The following DEPTOR variants were observed in gnomAD, a reference collection of about 807,000 sequenced individuals.
DEPTOR encodes DEP domain containing MTOR interacting protein.
In DEPTOR, 41 loss-of-function variants were observed where a neutral mutation model predicts 41.6. The observed-to-expected ratio is 0.98, with a 90% CI of 0.77 to 1.28. The LOEUF is 1.28. Ranked by LOEUF, DEPTOR falls within the 50% of genes most tolerant of loss-of-function variation. The pLI is 0.00. For synonymous variants in DEPTOR, 195 were observed against 192.3 expected (o/e 1.01, Z -0.12); for missense variants, 514 against 527.9 (o/e 0.97, Z 0.26).
At chr8:119,971,844 C>T (rs994396704) in intron 4 of DEPTOR, among the ~76,000 whole-genome samples, 4 of 152,180 alleles carry the variant, frequency 2.6e-5, no homozygotes, top group Admixed American at 2.6e-4. Flanking sequence ...GTATACTCTG[C>T]TTGCTCAGCC....
At chr8:120,049,537 C>T (rs200220093) in intron 8 of DEPTOR, 39 bp from the exon 9 acceptor site, 34 of 1,603,140 alleles carry the variant, frequency 2.1e-5, no homozygotes, top group East Asian at 9.0e-5. Flanking sequence ...CAAAACCAGG[C>T]GCTATAATAG....
chr8:119,920,937 C>G (rs1260078294), intron 1 of DEPTOR, among the ~76,000 whole-genome samples: 2 of 152,026 alleles, frequency 1.3e-5, no homozygotes, highest in Non-Finnish European at 2.9e-5. Flanking sequence ...ACTCCCCTCT[C>G]CTTCCTAATG....
intron 1 of DEPTOR, among the ~76,000 whole-genome samples, chr8:119,925,678 G>A (rs1179959185): frequency 6.6e-6 from 1 of 152,114 alleles, no homozygotes; most frequent in Non-Finnish European, 1.5e-5. Context: ...AGGCTGGAGT[G>A]CAGTTGTGCA....
At chr8:120,003,713 G>A (rs1371558727) in intron 6 of DEPTOR, among the ~76,000 whole-genome samples, 1 of 152,128 alleles carries the variant, frequency 6.6e-6, no homozygotes, top group African/African-American at 2.4e-5. Flanking sequence ...TGGGTGTCTT[G>A]TGGTTTCAAA....
At chr8:119,971,046 C>T (rs1047107040) in intron 4 of DEPTOR, among the ~76,000 whole-genome samples, 27 of 152,074 alleles carry the variant, frequency 1.8e-4, no homozygotes, top group African/African-American at 2.7e-4. Flanking sequence ...CTGGCTAACA[C>T]GGTGAAACCC....
intron 4 of DEPTOR, among the ~76,000 whole-genome samples, chr8:119,990,516 G>C (rs1036056172): frequency 6.6e-6 from 1 of 152,200 alleles, no homozygotes. Context: ...CTTTCCATCT[G>C]TTTATTGCCT....
chr8:119,891,310 C>CA (rs1827450075), intron 1 of DEPTOR: 1 of 152,126 alleles, frequency 6.6e-6, no homozygotes, highest in African/African-American at 2.4e-5. Context: ...TATAGTCTTA[C>CA]AATGGCCACC....
intron 1 of DEPTOR, among the ~76,000 whole-genome samples, chr8:119,919,409 C>T (rs1218249506): frequency 2.0e-5 from 3 of 151,760 alleles, no homozygotes; most frequent in Non-Finnish European, 2.9e-5. Flanking sequence ...TCATCTGAAC[C>T]GAGAAAAGAG....
chr8:120,049,212 G>A (rs550849052), intron 8 of DEPTOR, among the ~76,000 whole-genome samples: 1 of 151,976 alleles, frequency 6.6e-6, no homozygotes, highest in Non-Finnish European at 1.5e-5. Flanking sequence ...TCTTACAACA[G>A]TCTTATAAGG....
intron 1 of DEPTOR, 125 bp from the exon 2 acceptor site, chr8:119,928,275 G>C (rs1827987887): frequency 9.8e-7 from 1 of 1,019,778 alleles, no homozygotes; most frequent in African/African-American, 1.6e-5. Context: ...CACCAAGCGA[G>C]CTAAAGATAT....
chr8:120,034,602 C>T (rs1449469729), intron 8 of DEPTOR, among the ~76,000 whole-genome samples: 1 of 151,696 alleles, frequency 6.6e-6, no homozygotes, highest in Non-Finnish European at 1.5e-5. Flanking sequence ...CGCCAGCCAC[C>T]ACGCCTGGCT....
intron 3 of DEPTOR, among the ~76,000 whole-genome samples, chr8:119,937,132 G>A (rs757694888): frequency 1.6e-4 from 25 of 151,642 alleles, no homozygotes; most frequent in Admixed American, 3.3e-4. Flanking sequence ...TTTTCTGGCC[G>A]GGCTCACGCC....
intron 8 of DEPTOR, among the ~76,000 whole-genome samples, chr8:120,044,217 C>A (rs1813122515): frequency 6.6e-6 from 1 of 151,676 alleles, no homozygotes; most frequent in African/African-American, 2.4e-5. Context: ...CCTCCACCTC[C>A]CAGGTTCAAG....
At chr8:119,989,723 A>G (rs1812121266) in intron 4 of DEPTOR, among the ~76,000 whole-genome samples, 1 of 152,222 alleles carries the variant, frequency 6.6e-6, no homozygotes, top group Non-Finnish European at 1.5e-5. Context: ...TCACTCAGTA[A>G]ATGATAATTA....
chr8:120,030,877 C>T lies in DEPTOR; in HGVS notation c.1102-18699C>T, dbSNP rs377764207. 3.4e-3 allele frequency among the ~76,000 whole-genome samples: 520 copies of T among 152,026 alleles called. 1 individual carries two copies. The highest frequency in any genetic ancestry group is 0.011 in the African/African-American group (474 of 41,472). ...GTGGCTTGACCTAAGCTCACTGCAA[C>T]CTCCAGGTTCATCAGTTGTAACAAA... On this transcript the variant is annotated intron_variant, in intron 8 of 8. Transcript: ENST00000286234.
chr8:119,991,031 TTTC>T (rs1424791396), intron 4 of DEPTOR, among the ~76,000 whole-genome samples: 81 of 14,286 alleles, frequency 5.7e-3, no homozygotes, highest in African/African-American at 0.024. Context: ...CGGGTTTTCT[TTTC>T]TTTCTTTCTT....
intron 3 of DEPTOR, among the ~76,000 whole-genome samples, chr8:119,942,147 G>A (rs1828212115): frequency 2.0e-5 from 3 of 152,182 alleles, no homozygotes; most frequent in Admixed American, 6.6e-5. Flanking sequence ...ATTGTCATCT[G>A]CAGATTTCTA....
At chr8:120,009,335 A>G (rs2037345) in intron 8 of DEPTOR, among the ~76,000 whole-genome samples, 101,259 of 151,972 alleles carry the variant, frequency 0.67, 34,533 homozygotes, top group Middle Eastern at 0.76. Context: ...GTGTCTAGCC[A>G]GGCGCGGTGG....
chr8:120,001,679 T>C lies in DEPTOR; in HGVS notation c.759T>C (p.His253=), dbSNP rs1490999411. Residue 253 remains histidine (H), a synonymous_variant, in exon 5 of 9, where the codon CAT becomes CAC. Coordinates refer to ENST00000286234, the MANE Select transcript of DEPTOR (RefSeq NM_022783.4). ...DSPFCLRKQS[H]DNRKSTSFMS... is the part of the protein sequence containing the mutation. ...CCTTCTGCCTGAGGAAGCAGAGCCATGACAATCGGAAATCTACCAGCTTTA... is the reference window on the plus strand; with the variant it reads ...CCTTCTGCCTGAGGAAGCAGAGCCACGACAATCGGAAATCTACCAGCTTTA... 11 of 1,613,572 alleles carry C rather than the reference T, an allele frequency of 6.8e-6. No homozygotes were observed. Among genetic ancestry groups the C allele is most frequent in the Middle Eastern group, 1.7e-4 (1 of 6,058 alleles).
Sources: allele counts gnomAD v4.1 joint callset (sites outside exome capture counted in the v4.1 genomes callset), GRCh38; gene constraint gnomAD v4.1.1; transcripts MANE v1.5; gene names NCBI Gene and HGNC (gene_info 2026-07-23, HGNC 2026-07-21).